The following SLX4IP variants were observed in gnomAD, a reference collection of about 807,000 sequenced individuals.
The protein encoded by SLX4IP is SLX4 interacting protein, also known as protein SLX4IP.
A neutral mutation model predicts 32.9 loss-of-function variants in SLX4IP; 34 were observed. The observed-to-expected ratio is 1.03, with a 90% confidence interval of 0.79 to 1.38. SLX4IP has a LOEUF of 1.38. Ranked by LOEUF, SLX4IP falls within the 40% of genes most tolerant of loss-of-function variation. The probability of loss-of-function intolerance (pLI) is 0.00; values close to 1 mark genes in which losing one functional copy is unlikely to be tolerated. For missense variants in SLX4IP, 444 were observed against 479.0 expected (o/e 0.93, Z 0.68); for synonymous variants, 172 against 171.7 (o/e 1.00, Z -0.01).
intron 1 of SLX4IP, among the ~76,000 whole-genome samples, chr20:10,455,979 C>T (rs921895132): frequency 6.6e-6 from 1 of 152,100 alleles, no homozygotes; most frequent in Non-Finnish European, 1.5e-5. Flanking sequence ...ACGAAATCCT[C>T]CAAAGTCTGA....
At chr20:10,459,737 C>T (rs2065320394) in intron 2 of SLX4IP, among the ~76,000 whole-genome samples, 1 of 152,094 alleles carries the variant, frequency 6.6e-6, no homozygotes, top group African/African-American at 2.4e-5. Context: ...CTTGTTTGTT[C>T]CTTGATGGCT....
chr20:10,564,022 C>T (rs905089776), intron 4 of SLX4IP, among the ~76,000 whole-genome samples: 4 of 152,284 alleles, frequency 2.6e-5, no homozygotes, highest in African/African-American at 4.8e-5. Context: ...AAGGTATGAG[C>T]ATTGTGGACC....
At chr20:10,461,416 T>A (rs1417969480) in intron 2 of SLX4IP, among the ~76,000 whole-genome samples, 1 of 152,236 alleles carries the variant, frequency 6.6e-6, no homozygotes, top group African/African-American at 2.4e-5. Flanking sequence ...AGTATCAGGC[T>A]AGCATAATAG....
intron 2 of SLX4IP, among the ~76,000 whole-genome samples, chr20:10,464,269 G>A (rs528436724): frequency 3.3e-5 from 5 of 152,232 alleles, no homozygotes; most frequent in Non-Finnish European, 7.4e-5. Flanking sequence ...CAATCCTCCT[G>A]CCTCAGCCTC....
At chr20:10,480,416 A>G (rs563358454) in intron 2 of SLX4IP, among the ~76,000 whole-genome samples, 49 of 152,128 alleles carry the variant, frequency 3.2e-4, no homozygotes, top group South Asian at 1.5e-3. Context: ...AAAAAAAAAA[A>G]AGGAAAATCA....
rs6039974 is a variant in SLX4IP at position 10,482,621 on chromosome 20, G to C, written c.27+24390G>C. On this transcript the variant is annotated intron_variant, in intron 2 of 7. Coordinates refer to ENST00000334534, the MANE Select transcript of SLX4IP (RefSeq NM_001009608.3). ...ACTGTGTCAGGGTTTACTCCTTGTT[G>C]GGGAGAGTGGGGTAGGGTGAGATCC... Among the ~76,000 whole-genome samples, 936 of 152,184 alleles carry C rather than the reference G, an allele frequency of 6.2e-3. 12 individuals are homozygous for C. The highest frequency in any genetic ancestry group is 0.021 in the African/African-American group (879 of 41,500).
intron 4 of SLX4IP, among the ~76,000 whole-genome samples, chr20:10,563,144 C>T (rs1834752086): frequency 6.6e-6 from 1 of 152,204 alleles, no homozygotes; most frequent in African/African-American, 2.4e-5. Context: ...TTTTGATTTG[C>T]ATTTCCCTGA....
Position 10,627,774 on chromosome 20 carries a change from TTA to T in SLX4IP, c.*4397_*4398del, listed in dbSNP as rs970561364. The T allele has an allele frequency of 6.6e-6, 1 of 152,220 alleles. No homozygotes were observed. Among genetic ancestry groups the T allele is most frequent in the African/African-American group, 2.4e-5 (1 of 41,462 alleles). The allele number at this position is 152,220 out of a possible 1,614,324, so 9.4% of individuals were successfully genotyped here. ...TGCTTGAGCAAAAATCAATAAAACC[TTA>T]TGTTTGACCCTAAAGTATTTGATCA... On this transcript the variant is annotated 3_prime_UTR_variant, in exon 8 of 8. Coordinates refer to ENST00000334534, the MANE Select transcript of SLX4IP (RefSeq NM_001009608.3).
intron 2 of SLX4IP, among the ~76,000 whole-genome samples, chr20:10,516,459 T>C (rs1600950587): frequency 2.0e-5 from 3 of 152,258 alleles, no homozygotes; most frequent in Admixed American, 2.0e-4. Flanking sequence ...TACTGAGGCT[T>C]ATAAACTGAA....
At chr20:10,569,625 T>A (rs1361487051) in intron 4 of SLX4IP, among the ~76,000 whole-genome samples, 4 of 152,202 alleles carry the variant, frequency 2.6e-5, no homozygotes, top group African/African-American at 7.2e-5. Flanking sequence ...GAGGCCTCTC[T>A]CCTTTGCTTG....
Position 10,556,299 on chromosome 20 carries a change from G to A in SLX4IP, c.96G>A (p.Trp32Ter), listed in dbSNP as rs763081579. Reference protein sequence around the residue: ...LPQGSNKDTSWFSEQKKEEVC... With the variant: ...LPQGSNKDTS Reference sequence around the variant, plus strand: ...AAGGTTCAAACAAAGATACAAGCTGGTTTTCTGAACAGAAGAAAGAGGTAC... The same window carrying A: ...AAGGTTCAAACAAAGATACAAGCTGATTTTCTGAACAGAAGAAAGAGGTAC... The change falls in exon 3 of 8, where the codon TGG becomes TGA. Residue 32 changes from tryptophan (W) to a stop codon, truncating the protein, a stop_gained. Coordinates refer to ENST00000334534, the MANE Select transcript of SLX4IP (RefSeq NM_001009608.3). LOFTEE classifies it high-confidence loss of function. The A allele has an allele frequency of 3.1e-6, 5 of 1,612,908 alleles. No homozygotes were observed. The highest frequency in any genetic ancestry group is 4.2e-6 in the Non-Finnish European group (5 of 1,179,682).
intron 4 of SLX4IP, among the ~76,000 whole-genome samples, chr20:10,566,131 C>T (rs1394691940): frequency 6.6e-6 from 1 of 152,004 alleles, no homozygotes; most frequent in Non-Finnish European, 1.5e-5. Context: ...ATTTTGTATT[C>T]CCTGTGTTCT....
rs149171790 is a variant in SLX4IP, at chr20:10,603,400, C to T, written c.405+1581C>T. Among the ~76,000 whole-genome samples the T allele has an allele frequency of 2.6e-4, 40 of 152,284 alleles. No individual in the cohort carries two copies. In the East Asian group the frequency reaches 4.1e-3, roughly 15 times the overall value. ...ATAAATCCTATAATCTGGAGGACTTCCTAAACATTGAGAATTTTCATTCTG... is the reference window on the plus strand; with the variant it reads ...ATAAATCCTATAATCTGGAGGACTTTCTAAACATTGAGAATTTTCATTCTG... On this transcript the variant is annotated intron_variant, in intron 6 of 7. Coordinates refer to ENST00000334534, the MANE Select transcript of SLX4IP (RefSeq NM_001009608.3).
At chr20:10,596,837 G>A (rs1390280565) in intron 4 of SLX4IP, among the ~76,000 whole-genome samples, 4 of 152,110 alleles carry the variant, frequency 2.6e-5, no homozygotes, top group Admixed American at 1.3e-4. Flanking sequence ...AAGAAATAAC[G>A]TATTTGTTTT....
intron 1 of SLX4IP, among the ~76,000 whole-genome samples, chr20:10,445,037 G>A (rs368330773): frequency 1.1e-4 from 16 of 152,260 alleles, no homozygotes; most frequent in Non-Finnish European, 1.6e-4. Flanking sequence ...CAGATTCTCC[G>A]TCAATTCTTC....
chr20:10,626,404 A>G lies in SLX4IP; in HGVS notation c.*3025A>G, dbSNP rs981804716. On this transcript the variant is annotated 3_prime_UTR_variant, in exon 8 of 8. Transcript: ENST00000334534. ...TGAAACAGTGTCAGTATTGTTAGTC[A>G]AAAAGAACAAGTTCTTCAACCACTT... 1 of 151,992 alleles carries G rather than the reference A, an allele frequency of 6.6e-6. No individual in the cohort carries two copies. The highest frequency in any genetic ancestry group is 2.4e-5 in the African/African-American group (1 of 41,364). 9.4% of individuals were successfully genotyped at this position (151,992 alleles called of 1,614,324 possible).
intron 1 of SLX4IP, among the ~76,000 whole-genome samples, chr20:10,443,344 C>T (rs187547081): frequency 4.6e-5 from 7 of 152,164 alleles, no homozygotes; most frequent in East Asian, 3.9e-4. Flanking sequence ...ATGAATGGAC[C>T]CTGTCCCTGG....
chr20:10,625,213 G>A lies in SLX4IP; in HGVS notation c.*1834G>A, dbSNP rs2067159309. 1 of 152,196 alleles carries A rather than the reference G, an allele frequency of 6.6e-6. No homozygotes were observed. Among genetic ancestry groups the A allele is most frequent in the African/African-American group, 2.4e-5 (1 of 41,424 alleles). 9.4% of individuals were successfully genotyped at this position (152,196 alleles called of 1,614,324 possible). On this transcript the variant is annotated 3_prime_UTR_variant, in exon 8 of 8. Coordinates refer to ENST00000334534, the MANE Select transcript of SLX4IP (RefSeq NM_001009608.3). ...CTCTCTTAGAGCAAACAGTATTTTAGGTGTGCTCTTTATTGAACACAGGAC... is the reference window on the plus strand; with the variant it reads ...CTCTCTTAGAGCAAACAGTATTTTAAGTGTGCTCTTTATTGAACACAGGAC...
At chr20:10,567,705 T>C (rs1434099613) in intron 4 of SLX4IP, among the ~76,000 whole-genome samples, 1 of 152,238 alleles carries the variant, frequency 6.6e-6, no homozygotes, top group East Asian at 1.9e-4. Flanking sequence ...ATGTCACCAG[T>C]TCTTGATGAC....
Sources: allele counts gnomAD v4.1 joint callset (sites outside exome capture counted in the v4.1 genomes callset), GRCh38; gene constraint gnomAD v4.1.1; transcripts MANE v1.5; gene names NCBI Gene and HGNC (gene_info 2026-07-23, HGNC 2026-07-21).